GHR: variants seen among roughly 807,000 people sequenced by gnomAD.
GHR encodes growth hormone receptor.
Under a neutral mutation model 67.1 loss-of-function variants are expected in GHR, and 35 were observed. The ratio of observed to expected loss-of-function variants is 0.52; its 90% confidence interval spans 0.40 to 0.69. GHR has a LOEUF of 0.69. Among genes scored for constraint, GHR ranks in the 30% least tolerant of loss-of-function variants. The probability of loss-of-function intolerance (pLI) is 0.00; values close to 1 mark genes in which losing one functional copy is unlikely to be tolerated. For synonymous variants in GHR, 272 were observed against 269.1 expected, an observed-to-expected ratio of 1.01 and a Z score of -0.10; for missense variants, 792 against 764.6, an observed-to-expected ratio of 1.04 and a Z score of -0.42.
intron 2 of GHR, among the ~76,000 whole-genome samples, chr5:42,572,116 C>G (rs556105796): frequency 6.6e-6 from 1 of 152,188 alleles, no homozygotes; most frequent in Non-Finnish European, 1.5e-5. Flanking sequence ...CACTGTGCAT[C>G]GAAGTCAATG....
At position 42,596,226 on chromosome 5, in the gene GHR, A is replaced by T. The variant is rs182545367; in HGVS notation, c.70+30282A>T. Among the ~76,000 whole-genome samples the T allele has an allele frequency of 1.1e-4, 17 of 152,284 alleles. No homozygotes were observed. The East Asian group carries it at 1.9e-3, about 17-fold the overall frequency. On this transcript the variant is annotated intron_variant, in intron 2 of 9. Coordinates refer to ENST00000230882, the MANE Select transcript of GHR (RefSeq NM_000163.5). ...CCTTTTTCATCATTGTCTGCAGAAC[A>T]TATCACAGTATACAGCATAGAGTAG...
intron 1 of GHR, among the ~76,000 whole-genome samples, chr5:42,563,407 G>A (rs958833135): frequency 2.0e-5 from 3 of 152,028 alleles, no homozygotes; most frequent in East Asian, 1.9e-4. Flanking sequence ...TTGAGGTCAG[G>A]AGTTTGAGAC....
chr5:42,576,141 A>AGTAAAGGAAAGT (rs1473733015), intron 2 of GHR, among the ~76,000 whole-genome samples: 1 of 94,680 alleles, frequency 1.1e-5, no homozygotes, highest in Admixed American at 9.3e-5. Flanking sequence ...AATAAAATAA[A>AGTAAAGGAAAGT]ATAGTAAAGT....
At chr5:42,576,094 TAAAATAAATAAAATA>T (rs1295218717) in intron 2 of GHR, among the ~76,000 whole-genome samples, 7 of 91,590 alleles carry the variant, frequency 7.6e-5, no homozygotes, top group Non-Finnish European at 1.5e-4. Context: ...TAAAATAAAA[TAAAATAAATAAAATA>T]AAATAAAATA....
At chr5:42,462,573 AT>A (rs1432937215) in intron 1 of GHR, among the ~76,000 whole-genome samples, 8 of 152,184 alleles carry the variant, frequency 5.3e-5, no homozygotes, top group Non-Finnish European at 1.0e-4. Flanking sequence ...GATTATATAA[AT>A]AATTACCTTA....
At chr5:42,465,785 C>T (rs1230879110) in intron 1 of GHR, 7 of 803,292 alleles carry the variant, frequency 8.7e-6, no homozygotes, top group African/African-American at 3.4e-5. Context: ...GCCCATTTCA[C>T]GTCCACTGCC....
At chr5:42,453,163 T>C (rs1458064209) in intron 1 of GHR, among the ~76,000 whole-genome samples, 2 of 152,174 alleles carry the variant, frequency 1.3e-5, no homozygotes, top group Non-Finnish European at 2.9e-5. Context: ...ACGAGATCCT[T>C]AGTTACAGAA....
intron 1 of GHR, among the ~76,000 whole-genome samples, chr5:42,480,249 A>G (rs993606180): frequency 6.6e-6 from 1 of 152,214 alleles, no homozygotes; most frequent in Non-Finnish European, 1.5e-5. Context: ...GTGGTCTGAG[A>G]GACAGTTTGT....
chr5:42,531,753 T>C (rs1747980611), intron 1 of GHR, among the ~76,000 whole-genome samples: 1 of 152,214 alleles, frequency 6.6e-6, no homozygotes. Flanking sequence ...TGCTAGCAGA[T>C]TTCACAATGG....
At chr5:42,479,128 G>A (rs191960231) in intron 1 of GHR, among the ~76,000 whole-genome samples, 11 of 152,018 alleles carry the variant, frequency 7.2e-5, no homozygotes, top group East Asian at 5.8e-4. Context: ...CCTTTTCTGC[G>A]TCTATTGAGA....
chr5:42,593,817 C>T (rs527253029), intron 2 of GHR, among the ~76,000 whole-genome samples: 2 of 152,260 alleles, frequency 1.3e-5, no homozygotes, highest in South Asian at 4.1e-4. Flanking sequence ...ATAGTGATGA[C>T]ATTTCCTGGT....
chr5:42,625,027 A>G (rs1477171545), intron 2 of GHR, among the ~76,000 whole-genome samples: 3 of 152,194 alleles, frequency 2.0e-5, no homozygotes, highest in Non-Finnish European at 2.9e-5. Context: ...AGAGTAAATG[A>G]TCTATAGATG....
intron 1 of GHR, among the ~76,000 whole-genome samples, chr5:42,518,235 G>A (rs763404218): frequency 2.0e-5 from 3 of 151,404 alleles, no homozygotes; most frequent in African/African-American, 4.8e-5. Context: ...TCATACAGAG[G>A]AAAACAGATT....
intron 6 of GHR, among the ~76,000 whole-genome samples, chr5:42,709,885 G>C (rs573811166): frequency 1.3e-5 from 2 of 152,170 alleles, no homozygotes; most frequent in East Asian, 3.9e-4. Context: ...CGAAATCTGA[G>C]TTTGGTGTGG....
intron 3 of GHR, among the ~76,000 whole-genome samples, chr5:42,670,409 A>G (rs897254925): frequency 1.3e-5 from 2 of 152,214 alleles, no homozygotes; most frequent in Non-Finnish European, 2.9e-5. Flanking sequence ...CCCTGAAACT[A>G]TAAAACTAAT....
intron 1 of GHR, among the ~76,000 whole-genome samples, chr5:42,562,431 T>C (rs1490049356): frequency 1.3e-5 from 2 of 152,126 alleles, no homozygotes; most frequent in Non-Finnish European, 2.9e-5. Flanking sequence ...TGCACTTAGT[T>C]AGAGTCGGGT....
intron 1 of GHR, among the ~76,000 whole-genome samples, chr5:42,508,544 A>T (rs1016576350): frequency 6.6e-6 from 1 of 152,124 alleles, no homozygotes; most frequent in African/African-American, 2.4e-5. Context: ...GATATTACAC[A>T]TTGCACCTAT....
At chr5:42,657,609 A>T (rs1755325210) in intron 3 of GHR, among the ~76,000 whole-genome samples, 1 of 152,200 alleles carries the variant, frequency 6.6e-6, no homozygotes, top group Non-Finnish European at 1.5e-5. Context: ...CTCTTCACTC[A>T]TAATGGGAAT....
chr5:42,458,742 G>A (rs571096351), intron 1 of GHR, among the ~76,000 whole-genome samples: 5 of 152,212 alleles, frequency 3.3e-5, no homozygotes, highest in South Asian at 4.1e-4. Context: ...CTATACATCC[G>A]ACAAAAGTCT....
Sources: allele counts gnomAD v4.1 joint callset (sites outside exome capture counted in the v4.1 genomes callset), GRCh38; gene constraint gnomAD v4.1.1; transcripts MANE v1.5; gene names NCBI Gene and HGNC (gene_info 2026-07-23, HGNC 2026-07-21).